Variants in TRMT9B observed in about 807,000 individuals in gnomAD.
TRMT9B encodes probable tRNA methyltransferase 9B.
TRMT9B carries 16 observed loss-of-function variants against 11.5 expected under a neutral mutation model. The observed-to-expected ratio is 1.39, with a 90% CI of 0.94 to 2.11. TRMT9B has a LOEUF of 2.11. Among genes scored for constraint, TRMT9B ranks in the 30% most tolerant of loss-of-function variants. The pLI is 0.00. For synonymous variants in TRMT9B, 274 were observed against 192.4 expected (o/e 1.42, Z -3.51); for missense variants, 941 against 553.8 (o/e 1.70, Z -7.02).
At chr8:12,955,404 C>CTTT (rs1801162497) in intron 1 of TRMT9B, among the ~76,000 whole-genome samples, 1 of 152,090 alleles carries the variant, frequency 6.6e-6, no homozygotes, top group Non-Finnish European at 1.5e-5. Flanking sequence ...TTTTTATTCT[C>CTTT]TTTGCCTTTC....
chr8:13,020,217 T>C (rs539540454), intron 4 of TRMT9B, among the ~76,000 whole-genome samples: 2 of 152,318 alleles, frequency 1.3e-5, no homozygotes, highest in South Asian at 4.1e-4. Flanking sequence ...CTCACTGATA[T>C]ATTGGTGCAT....
intron 1 of TRMT9B, among the ~76,000 whole-genome samples, chr8:12,967,431 G>A (rs576535962): frequency 5.9e-5 from 9 of 152,268 alleles, no homozygotes; most frequent in African/African-American, 9.6e-5. Flanking sequence ...AGACCATAAC[G>A]AAATGGCAGG....
intron 2 of TRMT9B, among the ~76,000 whole-genome samples, chr8:13,005,664 GA>G (rs1810325755): frequency 6.6e-6 from 1 of 152,168 alleles, no homozygotes; most frequent in Non-Finnish European, 1.5e-5. Flanking sequence ...GAAAAGCATT[GA>G]ATGGCAAGAG....
At chr8:12,990,356 G>A (rs141339692) in intron 1 of TRMT9B, among the ~76,000 whole-genome samples, 336 of 152,116 alleles carry the variant, frequency 2.2e-3, no homozygotes, top group African/African-American at 7.8e-3. Flanking sequence ...CCTTTTGATG[G>A]GTTTCATAAC....
chr8:12,990,399 G>C (rs922576043), intron 1 of TRMT9B, among the ~76,000 whole-genome samples: 4 of 152,158 alleles, frequency 2.6e-5, no homozygotes, highest in Non-Finnish European at 2.9e-5. Flanking sequence ...TGTGAACAAT[G>C]ATGAATAACT....
At chr8:12,958,207 C>T (rs972718100) in intron 1 of TRMT9B, among the ~76,000 whole-genome samples, 1 of 152,078 alleles carries the variant, frequency 6.6e-6, no homozygotes, top group Non-Finnish European at 1.5e-5. Flanking sequence ...TTGTTTACGC[C>T]ACATTATGCT....
intron 3 of TRMT9B, among the ~76,000 whole-genome samples, chr8:13,009,289 G>A (rs1004885392): frequency 7.9e-5 from 12 of 151,982 alleles, no homozygotes; most frequent in African/African-American, 2.7e-4. Context: ...ATGGTAAGAC[G>A]TTGGTTAAAA....
rs538840485 is a variant in TRMT9B, at chr8:12,949,069, C to T, written c.-200+3103C>T. ...CTTTATAATTCTTCCTCAGAGAAAACGTATTGTTTCTACATAGACTCTACT... is the reference window on the plus strand; with the variant it reads ...CTTTATAATTCTTCCTCAGAGAAAATGTATTGTTTCTACATAGACTCTACT... On this transcript the variant is annotated intron_variant, in intron 1 of 4. Transcript: ENST00000524591. 1.3e-4 allele frequency among the ~76,000 whole-genome samples: 20 copies of T among 152,282 alleles called. No homozygotes were observed. In the South Asian group the frequency reaches 1.5e-3, roughly 11 times the overall value.
At chr8:12,959,054 G>C (rs1801691008) in intron 1 of TRMT9B, among the ~76,000 whole-genome samples, 2 of 152,006 alleles carry the variant, frequency 1.3e-5, no homozygotes, top group Non-Finnish European at 2.9e-5. Flanking sequence ...TAACAAACCT[G>C]CATGTTGTGC....
rs1046039670 is a variant in TRMT9B, at chr8:13,028,242, G to A, written c.*6198G>A. On this transcript the variant is annotated 3_prime_UTR_variant, in exon 5 of 5. Coordinates refer to ENST00000524591, the MANE Select transcript of TRMT9B (RefSeq NM_020844.3). ...ATGACTTTATTTGGGAGGGATTGGAGCTATAGAATAATCTATCTTACCAAT... is the reference window on the plus strand; with the variant it reads ...ATGACTTTATTTGGGAGGGATTGGAACTATAGAATAATCTATCTTACCAAT... The A allele has an allele frequency of 6.0e-6, 1 of 167,062 alleles. No individual in the cohort carries two copies. Among genetic ancestry groups the A allele is most frequent in the African/African-American group, 2.4e-5 (1 of 41,450 alleles). 10.3% of individuals were successfully genotyped at this position (167,062 alleles called of 1,614,324 possible).
intron 1 of TRMT9B, among the ~76,000 whole-genome samples, chr8:12,949,416 A>G (rs1800429987): frequency 6.6e-6 from 1 of 152,176 alleles, no homozygotes; most frequent in Admixed American, 6.5e-5. Context: ...ATTCTCTGGT[A>G]CAAAAATAAC....
intron 1 of TRMT9B, among the ~76,000 whole-genome samples, chr8:12,949,221 A>G (rs1800420207): frequency 6.6e-6 from 1 of 152,030 alleles, no homozygotes; most frequent in Non-Finnish European, 1.5e-5. Context: ...ATGCCATAGG[A>G]TTGGTTATGA....
At chr8:12,948,516 AATATATATTCATATTGC>A (rs1800376479) in intron 1 of TRMT9B, among the ~76,000 whole-genome samples, 1 of 148,190 alleles carries the variant, frequency 6.7e-6, no homozygotes, top group Non-Finnish European at 1.5e-5. Context: ...AATACATGTG[AATATATATTCATATTGC>A]ATATATATTT....
At chr8:12,996,925 T>G (rs1808446728) in intron 2 of TRMT9B, among the ~76,000 whole-genome samples, 1 of 150,942 alleles carries the variant, frequency 6.6e-6, no homozygotes, top group South Asian at 2.1e-4. Flanking sequence ...TTTTATCTGT[T>G]TTTGTACCTT....
intron 2 of TRMT9B, among the ~76,000 whole-genome samples, chr8:13,001,902 C>A (rs1173782580): frequency 6.6e-6 from 1 of 152,096 alleles, no homozygotes; most frequent in Non-Finnish European, 1.5e-5. Context: ...ATCTGGAAAC[C>A]CGTGCTCTTG....
rs62486883 is a variant in TRMT9B at position 13,026,969 on chromosome 8, A to G, written c.*4925A>G. ...TCCCTTTTATCTTTTTTTCATTTGT[A>G]AATCTGTTTCGATTTGATTTGAATT... is the stretch of plus-strand genomic sequence containing the variant. On this transcript the variant is annotated 3_prime_UTR_variant, in exon 5 of 5. Transcript: ENST00000524591. 23,429 of 167,140 alleles carry G rather than the reference A, an allele frequency of 0.14. 1,685 individuals carry two copies. Among genetic ancestry groups the G allele is most frequent in the South Asian group, 0.19 (940 of 4,830 alleles). 10.4% of individuals were successfully genotyped at this position (167,140 alleles called of 1,614,324 possible). A position where few individuals can be genotyped will look rare whatever the true frequency, so the allele number is the denominator to read the frequency against.
intron 1 of TRMT9B, among the ~76,000 whole-genome samples, chr8:12,950,992 T>A (rs189583786): frequency 6.6e-6 from 1 of 152,306 alleles, no homozygotes; most frequent in Non-Finnish European, 1.5e-5. Context: ...TTAAAGTGCA[T>A]AGATCCCTGA....
intron 1 of TRMT9B, among the ~76,000 whole-genome samples, chr8:12,964,150 G>A (rs1802503898): frequency 6.6e-6 from 1 of 152,168 alleles, no homozygotes; most frequent in Admixed American, 6.5e-5. Context: ...AAAGACTCGT[G>A]TCATTATTGT....
intron 3 of TRMT9B, chr8:13,007,774 C>T (rs536314187): frequency 3.9e-5 from 6 of 152,094 alleles, no homozygotes; most frequent in Admixed American, 2.6e-4. Flanking sequence ...TTTGGGATAA[C>T]GACATATATA....
Sources: gnomAD v4.1 joint callset for allele counts (sites outside exome capture counted in the v4.1 genomes callset) on GRCh38, gnomAD v4.1.1 for gene constraint, MANE v1.5 for transcripts, NCBI Gene and HGNC (gene_info 2026-07-23, HGNC 2026-07-21) for gene names.